The following ARHGAP42 variants were observed in gnomAD, a reference collection of about 807,000 sequenced individuals.
The protein encoded by ARHGAP42 is Rho GTPase activating protein 42, also known as rho GTPase-activating protein 42.
In ARHGAP42, 63 loss-of-function variants were observed where a neutral mutation model predicts 125.0. The ratio of observed to expected loss-of-function variants is 0.50; its 90% CI spans 0.41 to 0.62. The LOEUF is 0.62. ARHGAP42 is among the 20% of genes least tolerant of loss of function. The pLI is 0.00. For missense variants in ARHGAP42, 766 were observed against 1,024.2 expected (o/e 0.75, Z 3.44); for synonymous variants, 339 against 351.0 (o/e 0.97, Z 0.38).
At chr11:100,877,020 A>G (rs573345625) in intron 4 of ARHGAP42, among the ~76,000 whole-genome samples, 1 of 152,310 alleles carries the variant, frequency 6.6e-6, no homozygotes, top group African/African-American at 2.4e-5. Context: ...CACTGTAGAA[A>G]GATTTCAGGC....
intron 10 of ARHGAP42, among the ~76,000 whole-genome samples, chr11:100,946,407 T>C (rs1220085527): frequency 6.6e-6 from 1 of 152,088 alleles, no homozygotes; most frequent in African/African-American, 2.4e-5. Context: ...GGCTAACTGA[T>C]TGGCACAAGA....
chr11:100,921,580 A>G lies in ARHGAP42; in HGVS notation c.573A>G (p.Lys191=). 6.5e-7 allele frequency: 1 copy of G among 1,543,740 alleles called. No homozygotes were observed. The highest frequency in any genetic ancestry group is 8.7e-7 in the Non-Finnish European group (1 of 1,142,920). The stretch of plus-strand genomic sequence containing the variant: ...TTAAAATTCAAGAGGTCCAAGAAAA[A>G]AAGAAGTTTGAATTTGTTGAACCGG... ...YVFKIQEVQE[K]KKFEFVEPLL... Residue 191 remains lysine, a synonymous_variant, in exon 6 of 24, where the codon AAA becomes AAG. Coordinates refer to ENST00000298815, the MANE Select transcript of ARHGAP42 (RefSeq NM_152432.4).
intron 3 of ARHGAP42, among the ~76,000 whole-genome samples, chr11:100,811,606 T>C (rs1591201001): frequency 6.6e-6 from 1 of 151,956 alleles, no homozygotes; most frequent in East Asian, 1.9e-4. Flanking sequence ...CTCAAGTGAT[T>C]CTTCTGCCTT....
intron 3 of ARHGAP42, among the ~76,000 whole-genome samples, chr11:100,802,996 C>T (rs918901449): frequency 1.3e-5 from 2 of 152,164 alleles, no homozygotes; most frequent in African/African-American, 4.8e-5. Context: ...TACCTGCGCT[C>T]ATGAAGCTTG....
intron 6 of ARHGAP42, among the ~76,000 whole-genome samples, chr11:100,929,025 G>C (rs923683100): frequency 2.0e-5 from 3 of 152,044 alleles, no homozygotes; most frequent in African/African-American, 7.2e-5. Context: ...TAGTTGATAG[G>C]TACCTTTTCA....
intron 1 of ARHGAP42, among the ~76,000 whole-genome samples, chr11:100,699,074 G>T (rs1161545320): frequency 6.6e-6 from 1 of 151,684 alleles, no homozygotes; most frequent in East Asian, 1.9e-4. Flanking sequence ...TTCACTGTTT[G>T]CTTTCCTTGT....
chr11:100,934,354 A>G (rs977261490), intron 7 of ARHGAP42, among the ~76,000 whole-genome samples: 2 of 152,092 alleles, frequency 1.3e-5, no homozygotes, highest in African/African-American at 2.4e-5. Flanking sequence ...CCTTGTTACA[A>G]TCTCAGCATA....
intron 4 of ARHGAP42, among the ~76,000 whole-genome samples, chr11:100,876,390 A>G (rs1423772915): frequency 2.0e-5 from 3 of 151,738 alleles, no homozygotes; most frequent in Non-Finnish European, 2.9e-5. Flanking sequence ...AGTTGGACGT[A>G]TTTAAATATT....
At chr11:100,775,926 G>A (rs1270914788) in intron 2 of ARHGAP42, among the ~76,000 whole-genome samples, 2 of 152,144 alleles carry the variant, frequency 1.3e-5, no homozygotes, top group East Asian at 1.9e-4. Flanking sequence ...TTGGGAGGCT[G>A]AGGCGGGCGG....
intron 12 of ARHGAP42, among the ~76,000 whole-genome samples, chr11:100,958,299 CTCATGTAGG>C (rs1310130097): frequency 1.3e-5 from 2 of 152,038 alleles, no homozygotes; most frequent in Non-Finnish European, 2.9e-5. Flanking sequence ...AAGCTTCACT[CTCATGTAGG>C]TAGGTCATTA....
intron 1 of ARHGAP42, among the ~76,000 whole-genome samples, chr11:100,698,332 G>T (rs943284708): frequency 1.3e-5 from 2 of 152,194 alleles, no homozygotes; most frequent in African/African-American, 2.4e-5. Context: ...TTAGCTGGGT[G>T]TGGTGGTGTG....
intron 2 of ARHGAP42, among the ~76,000 whole-genome samples, chr11:100,773,731 A>G (rs1863038534): frequency 6.6e-6 from 1 of 152,226 alleles, no homozygotes; most frequent in South Asian, 2.1e-4. Context: ...CACTTTGGCT[A>G]ATTGAACATT....
intron 22 of ARHGAP42, chr11:100,986,225 C>T (rs1486635512): frequency 5.3e-6 from 2 of 375,412 alleles, no homozygotes; most frequent in African/African-American, 4.3e-5. Flanking sequence ...TGATAGTTCC[C>T]TGGGCAGCTA....
intron 12 of ARHGAP42, among the ~76,000 whole-genome samples, chr11:100,954,902 T>C (rs1254039317): frequency 6.6e-6 from 1 of 152,170 alleles, no homozygotes; most frequent in Non-Finnish European, 1.5e-5. Flanking sequence ...TGATATTAGT[T>C]ATCTGTGATA....
chr11:100,965,765 G>T lies in ARHGAP42; in HGVS notation c.1539G>T (p.Lys513Asn), dbSNP rs1378460001. ...GAGAGATGCTGGACATCTTAATAAAGCATCTGGTCAAGTAATTCTCTAACT... is the reference window on the plus strand; with the variant it reads ...GAGAGATGCTGGACATCTTAATAAATCATCTGGTCAAGTAATTCTCTAACT... ...KNREMLDILI[K>N]HLVKVSLHSQ... The change falls in exon 17 of 24, where the codon AAG (lysine) becomes AAT (asparagine). Residue 513 changes from lysine (K) to asparagine (N), a missense_variant. By Grantham distance (94) the Lys-to-Asn change is moderately conservative. This residue lies in a region of ARHGAP42 where 455 missense variants were observed against 636.5 expected (regional missense o/e 0.71). Coordinates refer to ENST00000298815, the MANE Select transcript of ARHGAP42 (RefSeq NM_152432.4). 4.5e-6 allele frequency: 7 copies of T among 1,550,550 alleles called. No individual in the cohort carries two copies. Among genetic ancestry groups the T allele is most frequent in the Admixed American group, 2.0e-5 (1 of 50,926 alleles).
chr11:100,974,511 G>T lies in ARHGAP42; in HGVS notation c.1763G>T (p.Arg588Leu). 6.4e-7 allele frequency: 1 copy of T among 1,550,590 alleles called. No homozygotes were observed. Among genetic ancestry groups the T allele is most frequent in the Non-Finnish European group, 8.7e-7 (1 of 1,146,640 alleles). The change falls in exon 19 of 24, where the codon CGA becomes CTA. Residue 588 changes from arginine (R) to leucine (L), a missense_variant. Physicochemically the swap from Arg to Leu is moderately radical, Grantham distance 102 (BLOSUM62 -2). Transcript: ENST00000298815. ...PSIPLPQPQS[R>L]SGSRRTRAIC... ...ATTCCTCTTCCTCAGCCTCAGTCTCGATCTGGATCCCGAAGGACACGAGCA... is the reference window on the plus strand; with the variant it reads ...ATTCCTCTTCCTCAGCCTCAGTCTCTATCTGGATCCCGAAGGACACGAGCA...
intron 3 of ARHGAP42, among the ~76,000 whole-genome samples, chr11:100,833,012 T>C (rs182412487): frequency 1.1e-4 from 16 of 152,352 alleles, no homozygotes; most frequent in Admixed American, 3.9e-4. Context: ...TTTTGTATCC[T>C]GTAAATACAG....
chr11:100,904,593 C>T (rs1866669838), intron 4 of ARHGAP42, among the ~76,000 whole-genome samples: 1 of 151,766 alleles, frequency 6.6e-6, no homozygotes, highest in Non-Finnish European at 1.5e-5. Context: ...ACTTTTCTTT[C>T]TTTCTTCCCT....
intron 9 of ARHGAP42, among the ~76,000 whole-genome samples, chr11:100,942,711 A>G (rs1004210431): frequency 6.6e-6 from 1 of 152,154 alleles, no homozygotes; most frequent in African/African-American, 2.4e-5. Flanking sequence ...CACATACTCA[A>G]ATATGTCAGT....
Sources: gnomAD v4.1 joint callset for allele counts (sites outside exome capture counted in the v4.1 genomes callset) on GRCh38, gnomAD v4.1.1 for gene constraint, gnomAD v4.1.1 regional missense constraint, MANE v1.5 for transcripts, NCBI Gene and HGNC (gene_info 2026-07-23, HGNC 2026-07-21) for gene names.